Variants in MYO5A observed in about 807,000 individuals in gnomAD.
MYO5A encodes unconventional myosin-Va.
Under a neutral mutation model 249.7 loss-of-function variants are expected in MYO5A, and 98 were observed. That is an observed-to-expected ratio of 0.39 (90% CI 0.33 to 0.46). The LOEUF is 0.46. MYO5A is among the 20% of genes least tolerant of loss of function. The pLI is 0.98. For synonymous variants in MYO5A, 778 were observed against 810.6 expected (o/e 0.96, Z 0.68); for missense variants, 1,696 against 2,308.8 (o/e 0.73, Z 5.44).
At position 52,516,640 on chromosome 15, in the gene MYO5A, T is replaced by C. The variant is rs370771266; in HGVS notation, c.27+12140A>G. On this transcript the variant is annotated intron_variant, in intron 1 of 41. Coordinates refer to ENST00000399233, the MANE Select transcript of MYO5A (RefSeq NM_001382347.1). ...ATCCCAAAACACCTTCTGACTGCTA[T>C]AAAGATTCCATTCTATAACGCTCCT... 1.6e-4 allele frequency among the ~76,000 whole-genome samples: 25 copies of C among 152,348 alleles called. No homozygotes were observed. The South Asian group carries it at 5.2e-3, about 32-fold the overall frequency.
chr15:52,491,841 CA>C (rs933663069), intron 1 of MYO5A, among the ~76,000 whole-genome samples: 33 of 152,002 alleles, frequency 2.2e-4, no homozygotes, highest in Admixed American at 1.9e-3. Context: ...ACATAATTAG[CA>C]AAAACTGGAC....
At chr15:52,521,016 T>C (rs571996675) in intron 1 of MYO5A, among the ~76,000 whole-genome samples, 34 of 152,162 alleles carry the variant, frequency 2.2e-4, no homozygotes, top group African/African-American at 8.2e-4. Flanking sequence ...TATCACATGG[T>C]CAGGAGTTCG....
intron 1 of MYO5A, among the ~76,000 whole-genome samples, chr15:52,506,165 C>T (rs185227890): frequency 1.1e-3 from 163 of 152,148 alleles, no homozygotes; most frequent in African/African-American, 3.7e-3. Flanking sequence ...TCTTGGCTAA[C>T]GCAGTGAAAC....
At chr15:52,462,863 G>A (rs1356432145) in intron 1 of MYO5A, among the ~76,000 whole-genome samples, 1 of 151,640 alleles carries the variant, frequency 6.6e-6, no homozygotes, top group African/African-American at 2.4e-5. Context: ...AAAAAAAAAG[G>A]TTATGAAATT....
rs190658552 is a variant in MYO5A, at chr15:52,441,093, G to A, written c.28-7808C>T. On this transcript the variant is annotated intron_variant, in intron 1 of 41. Coordinates refer to ENST00000399233, the MANE Select transcript of MYO5A (RefSeq NM_001382347.1). ...CTCCTCTGAAATCTGACATTAATGC[G>A]GATGTTACACATGATTACTAAGTAA... is the stretch of plus-strand genomic sequence containing the variant. 3.4e-4 allele frequency among the ~76,000 whole-genome samples: 51 copies of A among 152,188 alleles called. 1 individual carries two copies. Among genetic ancestry groups the A allele is most frequent in the Admixed American group, 2.9e-3 (44 of 15,286 alleles).
chr15:52,364,958 C>G (rs917391327), intron 23 of MYO5A, among the ~76,000 whole-genome samples: 5 of 152,202 alleles, frequency 3.3e-5, no homozygotes, highest in Non-Finnish European at 5.9e-5. Flanking sequence ...ACACTGGTTA[C>G]AGCACATCCT....
At chr15:52,331,627 C>G in intron 34 of MYO5A, 1 of 974,564 alleles carries the variant, frequency 1.0e-6, no homozygotes, top group Non-Finnish European at 1.2e-6. Flanking sequence ...TTGTGTCACT[C>G]TGGGTAATTT....
At chr15:52,328,056 G>T in intron 35 of MYO5A, 50 bp from the exon 36 acceptor site, 3 of 1,432,520 alleles carry the variant, frequency 2.1e-6, no homozygotes, top group Non-Finnish European at 2.9e-6. Context: ...ATTTTCACGA[G>T]GCATGCATTG....
intron 1 of MYO5A, among the ~76,000 whole-genome samples, chr15:52,450,783 G>A (rs761559518): frequency 1.8e-4 from 27 of 150,338 alleles, no homozygotes; most frequent in Non-Finnish European, 3.1e-4. Context: ...GATTATAGAC[G>A]TAAGTCACCA....
At chr15:52,484,318 C>T (rs1227434681) in intron 1 of MYO5A, among the ~76,000 whole-genome samples, 1 of 152,198 alleles carries the variant, frequency 6.6e-6, no homozygotes. Context: ...AGAAAATACA[C>T]ATACACACAC....
chr15:52,325,803 C>T (rs1422309581), intron 36 of MYO5A, among the ~76,000 whole-genome samples: 1 of 152,034 alleles, frequency 6.6e-6, no homozygotes, highest in African/African-American at 2.4e-5. Flanking sequence ...AATAAAAGAA[C>T]ATTTGCTTCT....
intron 20 of MYO5A, among the ~76,000 whole-genome samples, chr15:52,373,067 T>C (rs1363941321): frequency 6.6e-6 from 1 of 152,254 alleles, no homozygotes; most frequent in East Asian, 1.9e-4. Context: ...AGGATCCACT[T>C]TTGGGATTCA....
intron 6 of MYO5A, among the ~76,000 whole-genome samples, chr15:52,409,596 G>A (rs530669170): frequency 1.3e-5 from 2 of 152,248 alleles, no homozygotes; most frequent in South Asian, 4.1e-4. Context: ...CTGTTACATG[G>A]CAGTGTCAAG....
At chr15:52,454,467 A>G (rs535069413) in intron 1 of MYO5A, among the ~76,000 whole-genome samples, 3 of 152,258 alleles carry the variant, frequency 2.0e-5, no homozygotes, top group East Asian at 3.9e-4. Context: ...CCAGACAGAA[A>G]ATCAACAAGG....
In MYO5A at chr15:52,448,707, T is replaced by C. The variant is rs139115353; in HGVS notation, c.28-15422A>G. On this transcript the variant is annotated intron_variant, in intron 1 of 41. Coordinates refer to ENST00000399233, the MANE Select transcript of MYO5A (RefSeq NM_001382347.1). ...GGGGAGGATTTCTCCTTTAGTGCTG[T>C]TCTTGTGATAGCGAATTATACCAAG... Among the ~76,000 whole-genome samples the C allele has an allele frequency of 4.4e-4, 67 of 152,132 alleles. 1 individual carries two copies. In the East Asian group the frequency reaches 7.0e-3, roughly 16 times the overall value.
In MYO5A at chr15:52,337,823, T is replaced by C; in HGVS notation, c.4301A>G (p.Tyr1434Cys). Residue 1434 changes from tyrosine (Y) to cysteine (C), a missense_variant, in exon 33 of 42, where the codon TAC (tyrosine) becomes TGC (cysteine). Tyr to Cys is a radical substitution (Grantham distance 194). Transcript: ENST00000399233. ...KKYQSYRISL[Y>C]KRMIDLMEQL... ...GGTTTTACATACAATCATCCGTTTG[T>C]AAAGGGAAATCCGATATGATTGATA... The C allele has an allele frequency of 6.5e-7, 1 of 1,542,714 alleles. No individual in the cohort carries two copies. The highest frequency in any genetic ancestry group is 8.8e-7 in the Non-Finnish European group (1 of 1,141,326).
chr15:52,449,830 C>T (rs1463246981), intron 1 of MYO5A, among the ~76,000 whole-genome samples: 1 of 152,014 alleles, frequency 6.6e-6, no homozygotes, highest in Non-Finnish European at 1.5e-5. Flanking sequence ...TGAGACCTCA[C>T]CTCTACAAAA....
intron 8 of MYO5A, among the ~76,000 whole-genome samples, chr15:52,405,952 C>A (rs1474437): frequency 0.15 from 22,857 of 152,122 alleles, 1,823 homozygotes; most frequent in Middle Eastern, 0.22. Context: ...AAACTACAGA[C>A]CAAGTATAAG....
intron 35 of MYO5A, 30 bp downstream of exon 35, chr15:52,330,323 G>T: frequency 6.2e-7 from 1 of 1,613,868 alleles, no homozygotes. Flanking sequence ...GTGCCAGAAG[G>T]AACTTTTATC....
Sources: allele counts gnomAD v4.1 joint callset (sites outside exome capture counted in the v4.1 genomes callset), GRCh38; gene constraint gnomAD v4.1.1; transcripts MANE v1.5; gene names NCBI Gene and HGNC (gene_info 2026-07-23, HGNC 2026-07-21).